TRIM2: variants seen among roughly 807,000 people sequenced by gnomAD.
The protein encoded by TRIM2 is tripartite motif-containing protein 2.
In TRIM2, 20 loss-of-function variants were observed where a neutral mutation model predicts 75.2. The ratio of observed to expected loss-of-function variants is 0.27; its 90% CI spans 0.19 to 0.39. The LOEUF (loss-of-function observed/expected upper bound fraction) is 0.39, where lower values mean the gene tolerates loss of function less well. Ranked by LOEUF, TRIM2 falls within the 10% of genes least tolerant of loss-of-function variation. The pLI, the probability that TRIM2 is intolerant of heterozygous loss-of-function variation, is 1.00. For missense variants in TRIM2, 660 were observed against 990.8 expected (o/e 0.67, Z 4.48); for synonymous variants, 373 against 388.3 (o/e 0.96, Z 0.46).
chr4:153,296,661 C>A (rs1170620989), intron 6 of TRIM2, among the ~76,000 whole-genome samples: 2 of 152,176 alleles, frequency 1.3e-5, no homozygotes, highest in African/African-American at 4.8e-5. Context: ...CAAGAAGGTA[C>A]CCGATGAGCC....
At chr4:153,257,882 A>C (rs889312568) in intron 1 of TRIM2, 7 of 313,318 alleles carry the variant, frequency 2.2e-5, no homozygotes, top group Non-Finnish European at 4.4e-5. Flanking sequence ...CATCCTCTGT[A>C]GCTGTAAAAT....
intron 1 of TRIM2, among the ~76,000 whole-genome samples, chr4:153,253,127 G>A (rs375061933): frequency 1.3e-5 from 2 of 152,212 alleles, no homozygotes; most frequent in East Asian, 1.9e-4. Flanking sequence ...AAGACTCAGA[G>A]AATCCTTCCT....
At chr4:153,245,302 CTTG>C (rs759141175) in intron 1 of TRIM2, among the ~76,000 whole-genome samples, 3 of 152,178 alleles carry the variant, frequency 2.0e-5, no homozygotes, top group Non-Finnish European at 4.4e-5. Flanking sequence ...TTTTGCTATC[CTTG>C]GGTTGGTTTA....
chr4:153,271,108 G>A (rs1756566686), intron 2 of TRIM2, among the ~76,000 whole-genome samples: 1 of 152,106 alleles, frequency 6.6e-6, no homozygotes, highest in African/African-American at 2.4e-5. Flanking sequence ...ATTTGTTTTT[G>A]GAGAGGGGCG....
At chr4:153,239,370 A>G (rs1473093135) in intron 1 of TRIM2, among the ~76,000 whole-genome samples, 1 of 145,870 alleles carries the variant, frequency 6.9e-6, no homozygotes, top group Non-Finnish European at 1.5e-5. Context: ...AAAAAAAAGA[A>G]CTCTGGCTTT....
chr4:153,278,666 G>T (rs1025774276), intron 3 of TRIM2, among the ~76,000 whole-genome samples: 1 of 152,108 alleles, frequency 6.6e-6, no homozygotes, highest in Admixed American at 6.6e-5. Context: ...GGGCATGATG[G>T]GGCTGCACCT....
intron 1 of TRIM2, among the ~76,000 whole-genome samples, chr4:153,218,282 A>C (rs1739027378): frequency 1.3e-5 from 2 of 152,324 alleles, no homozygotes; most frequent in South Asian, 4.1e-4. Flanking sequence ...ATCACAGCTC[A>C]CTGCAGCCTT....
At chr4:153,161,325 C>A (rs189092124) in intron 1 of TRIM2, among the ~76,000 whole-genome samples, 1 of 152,174 alleles carries the variant, frequency 6.6e-6, no homozygotes, top group Admixed American at 6.5e-5. Flanking sequence ...ATGAATTGAA[C>A]GTACGTGCTA....
intron 11 of TRIM2, among the ~76,000 whole-genome samples, chr4:153,334,090 A>G (rs1238912423): frequency 6.6e-6 from 1 of 151,896 alleles, no homozygotes; most frequent in African/African-American, 2.4e-5. Flanking sequence ...GTGGGGGAGG[A>G]AAAGGATGTG....
chr4:153,324,004 G>A (rs1769573043), intron 9 of TRIM2, 74 bp from the exon 10 acceptor site: 1 of 1,166,316 alleles, frequency 8.6e-7, no homozygotes, highest in Non-Finnish European at 1.3e-6. Context: ...TATTAAGTTT[G>A]TTTGTTACAG....
At chr4:153,329,638 C>A (rs1390223211) in intron 11 of TRIM2, among the ~76,000 whole-genome samples, 1 of 151,780 alleles carries the variant, frequency 6.6e-6, no homozygotes, top group Non-Finnish European at 1.5e-5. Flanking sequence ...GAGTTCGAGA[C>A]AAGCTCGGCC....
chr4:153,275,552 T>C lies in TRIM2; in HGVS notation c.216-341T>C, dbSNP rs367635543. On this transcript the variant is annotated intron_variant, in intron 2 of 11. Transcript: ENST00000338700. ...TATGCAAATCACATGGGGAGCTGAC[T>C]CAGCAGGTGTTCGATAGGGTCTAAG... 5.6e-4 allele frequency among the ~76,000 whole-genome samples: 86 copies of C among 152,342 alleles called. 1 individual carries two copies. Among genetic ancestry groups the C allele is most frequent in the African/African-American group, 2.0e-3 (83 of 41,592 alleles).
intron 1 of TRIM2, among the ~76,000 whole-genome samples, chr4:153,176,350 G>A (rs1227581121): frequency 6.6e-6 from 1 of 152,028 alleles, no homozygotes; most frequent in African/African-American, 2.4e-5. Flanking sequence ...CTACTAGGGA[G>A]GCTGAGGTGG....
At chr4:153,250,837 A>C (rs1350308988) in intron 1 of TRIM2, among the ~76,000 whole-genome samples, 2 of 152,152 alleles carry the variant, frequency 1.3e-5, no homozygotes, top group Non-Finnish European at 2.9e-5. Flanking sequence ...GGCTATCCTG[A>C]TCCTTGAGAC....
intron 8 of TRIM2, among the ~76,000 whole-genome samples, chr4:153,319,625 G>A (rs1158711168): frequency 6.6e-6 from 1 of 152,074 alleles, no homozygotes; most frequent in Non-Finnish European, 1.5e-5. Flanking sequence ...AGCTACTCGG[G>A]AGGCTGAGGC....
At chr4:153,290,900 A>AT (rs2150125581) in intron 3 of TRIM2, among the ~76,000 whole-genome samples, 1 of 152,316 alleles carries the variant, frequency 6.6e-6, no homozygotes, top group South Asian at 2.1e-4. Flanking sequence ...AAGTGCTGGG[A>AT]TTACAGGTGT....
chr4:153,296,076 C>T (rs773300451), intron 6 of TRIM2, 40 bp downstream of exon 6: 28 of 1,509,974 alleles, frequency 1.9e-5, no homozygotes, highest in Non-Finnish European at 1.6e-5. Flanking sequence ...TGAGCTGGCA[C>T]TGGTTAAGGG....
chr4:153,255,449 GA>G (rs1294919109), intron 1 of TRIM2, among the ~76,000 whole-genome samples: 1 of 152,158 alleles, frequency 6.6e-6, no homozygotes, highest in Non-Finnish European at 1.5e-5. Flanking sequence ...AGCATTTGAT[GA>G]ATTTGGCTTT....
At chr4:153,249,499 A>G (rs1340457491) in intron 1 of TRIM2, among the ~76,000 whole-genome samples, 1 of 152,218 alleles carries the variant, frequency 6.6e-6, no homozygotes, top group East Asian at 1.9e-4. Context: ...TCTGAATTAC[A>G]TGTTGGTCTA....
Sources: allele counts gnomAD v4.1 joint callset (sites outside exome capture counted in the v4.1 genomes callset), GRCh38; gene constraint gnomAD v4.1.1; transcripts MANE v1.5; gene names NCBI Gene and HGNC (gene_info 2026-07-23, HGNC 2026-07-21).